Variants in KCNQ3 observed in about 807,000 individuals in gnomAD.
KCNQ3 encodes the protein potassium voltage-gated channel subfamily Q member 3.
A neutral mutation model predicts 92.5 loss-of-function variants in KCNQ3; 30 were observed. The ratio of observed to expected loss-of-function variants is 0.32; its 90% CI spans 0.24 to 0.44. The LOEUF (loss-of-function observed/expected upper bound fraction) is 0.44. KCNQ3 is among the 20% of genes least tolerant of loss of function. KCNQ3 has a pLI of 1.00. For synonymous variants in KCNQ3, 450 were observed against 468.8 expected (o/e 0.96, Z 0.52); for missense variants, 913 against 1,140.3 (o/e 0.80, Z 2.87).
intron 1 of KCNQ3, among the ~76,000 whole-genome samples, chr8:132,235,953 C>G (rs1020105108): frequency 6.6e-6 from 1 of 152,186 alleles, no homozygotes; most frequent in Non-Finnish European, 1.5e-5. Context: ...GTGCTCTTGG[C>G]GGGAGTGGGC....
chr8:132,194,544 G>A (rs1049455722), intron 1 of KCNQ3, among the ~76,000 whole-genome samples: 2 of 152,176 alleles, frequency 1.3e-5, no homozygotes, highest in African/African-American at 2.4e-5. Context: ...CCAGGAATGC[G>A]TTATTGAAAA....
intron 13 of KCNQ3, among the ~76,000 whole-genome samples, chr8:132,133,984 C>T (rs1006879189): frequency 2.6e-5 from 4 of 151,984 alleles, no homozygotes; most frequent in African/African-American, 9.7e-5. Flanking sequence ...AGTTTTCTTC[C>T]TGTTTCAATA....
intron 1 of KCNQ3, among the ~76,000 whole-genome samples, chr8:132,424,328 A>G (rs1821050540): frequency 6.6e-6 from 1 of 151,686 alleles, no homozygotes; most frequent in Non-Finnish European, 1.5e-5. Context: ...TGTCACAAGT[A>G]CTTGACAATT....
intron 1 of KCNQ3, among the ~76,000 whole-genome samples, chr8:132,323,842 AC>A (rs1199700911): frequency 5.3e-5 from 8 of 152,234 alleles, no homozygotes; most frequent in Admixed American, 1.3e-4. Flanking sequence ...CTTAAAAAAA[AC>A]ATATCTGATT....
chr8:132,182,343 G>A (rs1826813170), intron 3 of KCNQ3, among the ~76,000 whole-genome samples: 1 of 152,248 alleles, frequency 6.6e-6, no homozygotes, highest in African/African-American at 2.4e-5. Flanking sequence ...AGGGTCCGAG[G>A]CTGCCTTGAA....
intron 1 of KCNQ3, among the ~76,000 whole-genome samples, chr8:132,342,960 T>G (rs1230839395): frequency 6.6e-6 from 1 of 152,204 alleles, no homozygotes; most frequent in Non-Finnish European, 1.5e-5. Context: ...TTTACAGGCA[T>G]GTCAAAGAAA....
chr8:132,342,045 C>T (rs1298056453), intron 1 of KCNQ3, among the ~76,000 whole-genome samples: 1 of 152,146 alleles, frequency 6.6e-6, no homozygotes, highest in Non-Finnish European at 1.5e-5. Flanking sequence ...CTCTTAGTTC[C>T]ACTGGGTATT....
At chr8:132,281,548 GTA>G (rs34754909) in intron 1 of KCNQ3, among the ~76,000 whole-genome samples, 109,694 of 149,052 alleles carry the variant, frequency 0.74, 40,203 homozygotes, top group East Asian at 0.87. Context: ...ATATGTGTGT[GTA>G]TATATATATA....
chr8:132,281,085 T>C (rs1305633842), intron 1 of KCNQ3, among the ~76,000 whole-genome samples: 1 of 152,186 alleles, frequency 6.6e-6, no homozygotes, highest in Non-Finnish European at 1.5e-5. Context: ...ACCACCTGTC[T>C]TCAGTGGCAG....
intron 1 of KCNQ3, among the ~76,000 whole-genome samples, chr8:132,293,933 T>C (rs1586902504): frequency 1.3e-5 from 2 of 152,010 alleles, no homozygotes; most frequent in East Asian, 3.9e-4. Context: ...AGATTCCTCA[T>C]AGGTTCTGAG....
chr8:132,393,404 A>G (rs895640006), intron 1 of KCNQ3, among the ~76,000 whole-genome samples: 1 of 152,192 alleles, frequency 6.6e-6, no homozygotes, highest in Admixed American at 6.5e-5. Context: ...TCTTTGTTTC[A>G]ACTACTCAAC....
In KCNQ3 at chr8:132,351,792, T is replaced by C. The variant is rs1320425557; in HGVS notation, c.386+128355A>G. On this transcript the variant is annotated intron_variant, in intron 1 of 14. Coordinates refer to ENST00000388996, the MANE Select transcript of KCNQ3 (RefSeq NM_004519.4). The stretch of plus-strand genomic sequence containing the variant: ...CTTGACTCAGTTTTGCTTCTTTCCC[T>C]GAGAGGCACTGGCTATAGGGATAAG... 2.6e-5 allele frequency among the ~76,000 whole-genome samples: 4 copies of C among 152,324 alleles called. No homozygotes were observed. The East Asian group carries it at 7.7e-4, about 29-fold the overall frequency.
At chr8:132,390,432 C>T (rs767924420) in intron 1 of KCNQ3, among the ~76,000 whole-genome samples, 6 of 152,142 alleles carry the variant, frequency 3.9e-5, no homozygotes, top group African/African-American at 7.2e-5. Flanking sequence ...CATTGTGTTA[C>T]GCTTTCTGAG....
At chr8:132,147,741 G>A (rs61151274) in intron 9 of KCNQ3, among the ~76,000 whole-genome samples, 11 of 152,314 alleles carry the variant, frequency 7.2e-5, no homozygotes, top group East Asian at 1.9e-4. Context: ...GAGAGATTTC[G>A]AAGAAAGGGT....
chr8:132,207,369 A>T (rs1813694719), intron 1 of KCNQ3, among the ~76,000 whole-genome samples: 3 of 152,224 alleles, frequency 2.0e-5, no homozygotes, highest in Admixed American at 1.3e-4. Flanking sequence ...GGCACCTGGA[A>T]TTTGCATTTT....
intron 1 of KCNQ3, among the ~76,000 whole-genome samples, chr8:132,369,554 G>C (rs1819414173): frequency 6.7e-6 from 1 of 148,250 alleles, no homozygotes. Flanking sequence ...GTACTACAAA[G>C]TAAGGAGGTG....
At chr8:132,175,326 G>A (rs1826511591) in intron 5 of KCNQ3, 127 bp downstream of exon 5, 4 of 1,038,112 alleles carry the variant, frequency 3.9e-6, no homozygotes. Context: ...AGCTGAAATT[G>A]GTCTAGAGCT....
chr8:132,359,005 C>T (rs1819091210), intron 1 of KCNQ3, among the ~76,000 whole-genome samples: 1 of 152,210 alleles, frequency 6.6e-6, no homozygotes, highest in East Asian at 1.9e-4. Context: ...CTCCAATACT[C>T]TCACTAAAGA....
At chr8:132,157,170 G>T (rs953606881) in intron 9 of KCNQ3, among the ~76,000 whole-genome samples, 12 of 152,202 alleles carry the variant, frequency 7.9e-5, no homozygotes, top group African/African-American at 2.9e-4. Context: ...TGAGGGCTTG[G>T]TGAATGTACT....
Sources: gnomAD v4.1 joint callset for allele counts (sites outside exome capture counted in the v4.1 genomes callset) on GRCh38, gnomAD v4.1.1 for gene constraint, MANE v1.5 for transcripts, NCBI Gene and HGNC (gene_info 2026-07-23, HGNC 2026-07-21) for gene names.